The following CSMD2 variants were observed in gnomAD, a reference collection of about 807,000 sequenced individuals.
CSMD2 encodes the protein CUB and Sushi multiple domains 2.
Under a neutral mutation model 398.5 loss-of-function variants are expected in CSMD2, and 130 were observed. The observed-to-expected ratio is 0.33, with a 90% CI of 0.28 to 0.38. The LOEUF (loss-of-function observed/expected upper bound fraction) is 0.38, where lower values mean the gene tolerates loss of function less well. CSMD2 is among the 10% of genes least tolerant of loss of function. CSMD2 has a pLI of 1.00. For missense variants in CSMD2, 3,829 were observed against 4,764.9 expected (o/e 0.80, Z 5.78); for synonymous variants, 1,828 against 1,908.5 (o/e 0.96, Z 1.10).
At chr1:33,925,034 G>A (rs901759848) in intron 4 of CSMD2, among the ~76,000 whole-genome samples, 2 of 152,032 alleles carry the variant, frequency 1.3e-5, no homozygotes, top group African/African-American at 4.8e-5. Context: ...CTTTTTCTGT[G>A]TAGAAGCTTT....
At chr1:33,924,983 C>T (rs1321176817) in intron 4 of CSMD2, among the ~76,000 whole-genome samples, 1 of 152,112 alleles carries the variant, frequency 6.6e-6, no homozygotes, top group Admixed American at 6.5e-5. Context: ...CAAATATTTT[C>T]TCGTCTTTAA....
intron 12 of CSMD2, among the ~76,000 whole-genome samples, chr1:33,780,541 G>A (rs1652602037): frequency 6.6e-6 from 1 of 152,218 alleles, no homozygotes; most frequent in Admixed American, 6.5e-5. Flanking sequence ...GGAAACAAAG[G>A]ACATGGAGGT....
At chr1:34,005,930 C>T (rs1431521510) in intron 3 of CSMD2, among the ~76,000 whole-genome samples, 1 of 152,228 alleles carries the variant, frequency 6.6e-6, no homozygotes, top group African/African-American at 2.4e-5. Flanking sequence ...ACAAATAGCA[C>T]ATGTGCCACT....
chr1:33,551,084 T>C (rs1214055725), intron 55 of CSMD2, among the ~76,000 whole-genome samples: 1 of 152,200 alleles, frequency 6.6e-6, no homozygotes, highest in East Asian at 1.9e-4. Flanking sequence ...AGAAGTTACT[T>C]GAATGATGTG....
At chr1:34,154,523 C>T (rs568225089) in intron 1 of CSMD2, among the ~76,000 whole-genome samples, 19 of 152,076 alleles carry the variant, frequency 1.2e-4, no homozygotes, top group Non-Finnish European at 1.9e-4. Flanking sequence ...ATACGTAAAA[C>T]GTGATGGATG....
chr1:33,805,390 T>G (rs951851231), intron 10 of CSMD2, among the ~76,000 whole-genome samples: 3 of 152,194 alleles, frequency 2.0e-5, no homozygotes, highest in Non-Finnish European at 2.9e-5. Context: ...GAATCTTTCT[T>G]TGTAAAATGT....
intron 1 of CSMD2, among the ~76,000 whole-genome samples, chr1:34,122,365 C>G (rs548224202): frequency 6.6e-6 from 1 of 152,068 alleles, no homozygotes; most frequent in African/African-American, 2.4e-5. Context: ...CTCCAGGCAC[C>G]GAGGTCCGGG....
chr1:34,087,528 T>G (rs1239256149), intron 2 of CSMD2, among the ~76,000 whole-genome samples: 2 of 151,624 alleles, frequency 1.3e-5, no homozygotes, highest in Non-Finnish European at 2.9e-5. Flanking sequence ...GATGATGGGT[T>G]GATGAGTGCA....
At position 34,084,423 on chromosome 1, in the gene CSMD2, C is replaced by G. The variant is rs540531869; in HGVS notation, c.404+4554G>C. Among the ~76,000 whole-genome samples, 3 of 152,210 alleles carry G rather than the reference C, an allele frequency of 2.0e-5. No homozygotes were observed. The East Asian group carries it at 5.8e-4, about 29-fold the overall frequency. On this transcript the variant is annotated intron_variant, in intron 2 of 70. Transcript: ENST00000373381. ...AGAGCTTCTGCACAGCAAAAGAAACCACCATCAGAGTGAACAGCAACCTAC... is the reference window on the plus strand; with the variant it reads ...AGAGCTTCTGCACAGCAAAAGAAACGACCATCAGAGTGAACAGCAACCTAC...
chr1:33,993,687 C>A (rs1167982733), intron 3 of CSMD2, among the ~76,000 whole-genome samples: 2 of 152,128 alleles, frequency 1.3e-5, no homozygotes, highest in Non-Finnish European at 2.9e-5. Context: ...TCTCATAATT[C>A]ATAACTCTAT....
At chr1:33,562,283 GAGA>G (rs1157076054) in intron 53 of CSMD2, among the ~76,000 whole-genome samples, 34 of 152,232 alleles carry the variant, frequency 2.2e-4, no homozygotes, top group Non-Finnish European at 2.1e-4. Context: ...GGATCAGCAG[GAGA>G]AGAAGCTGCT....
chr1:33,790,377 C>T (rs1654083853), intron 11 of CSMD2, among the ~76,000 whole-genome samples: 1 of 152,108 alleles, frequency 6.6e-6, no homozygotes, highest in Admixed American at 6.5e-5. Context: ...AGTTGAAGGG[C>T]CAAACAGAAC....
At chr1:33,663,825 ATTTT>A (rs201057859) in intron 25 of CSMD2, among the ~76,000 whole-genome samples, 2 of 152,126 alleles carry the variant, frequency 1.3e-5, no homozygotes, top group African/African-American at 4.8e-5. Flanking sequence ...CTGTTAATTA[ATTTT>A]TTTTATTATT....
intron 2 of CSMD2, among the ~76,000 whole-genome samples, chr1:34,053,130 T>C (rs1176538431): frequency 6.6e-6 from 1 of 152,208 alleles, no homozygotes; most frequent in Non-Finnish European, 1.5e-5. Flanking sequence ...CTACTGTCCA[T>C]CCCTTCCCAC....
At chr1:33,699,035 A>G in intron 23 of CSMD2, 91 bp from the exon 24 acceptor site, 1 of 1,115,828 alleles carries the variant, frequency 9.0e-7, no homozygotes, top group African/African-American at 1.6e-5. Context: ...TCCTCAAGGA[A>G]GCTGTCTCAG....
intron 13 of CSMD2, among the ~76,000 whole-genome samples, chr1:33,768,247 A>T (rs1369235279): frequency 1.3e-5 from 2 of 152,174 alleles, no homozygotes; most frequent in Non-Finnish European, 2.9e-5. Flanking sequence ...AAGTTATCCT[A>T]GACTAGTCGT....
intron 55 of CSMD2, among the ~76,000 whole-genome samples, chr1:33,554,695 A>G (rs1470119902): frequency 6.6e-6 from 1 of 152,184 alleles, no homozygotes; most frequent in African/African-American, 2.4e-5. Context: ...TGTGCTCTAT[A>G]AATGGAACAA....
intron 12 of CSMD2, among the ~76,000 whole-genome samples, chr1:33,779,885 T>C (rs501481): frequency 0.27 from 41,322 of 152,030 alleles, 6,273 homozygotes; most frequent in South Asian, 0.41. Context: ...GAGAGGGGAT[T>C]CAATAAACTT....
intron 6 of CSMD2, among the ~76,000 whole-genome samples, chr1:33,829,296 G>A (rs1659193160): frequency 6.6e-6 from 1 of 152,190 alleles, no homozygotes; most frequent in Non-Finnish European, 1.5e-5. Context: ...ATCCTTCACT[G>A]AGGGGTAAGC....
Sources: gnomAD v4.1 joint callset for allele counts (sites outside exome capture counted in the v4.1 genomes callset) on GRCh38, gnomAD v4.1.1 for gene constraint, MANE v1.5 for transcripts, NCBI Gene and HGNC (gene_info 2026-07-23, HGNC 2026-07-21) for gene names.